The following KIF16B variants were observed in gnomAD, a reference collection of about 807,000 sequenced individuals.
The protein encoded by KIF16B is kinesin family member 16B.
Under a neutral mutation model 156.3 loss-of-function variants are expected in KIF16B, and 98 were observed. That is an observed-to-expected ratio of 0.63 (90% CI 0.53 to 0.74). The LOEUF (loss-of-function observed/expected upper bound fraction) is 0.74. KIF16B is among the 30% of genes least tolerant of loss of function. The pLI is 0.00. For missense variants in KIF16B, 1,421 were observed against 1,606.5 expected (o/e 0.88, Z 1.97); for synonymous variants, 564 against 583.7 (o/e 0.97, Z 0.49).
In KIF16B at chr20:16,366,045, A is replaced by G. The variant is rs111285279; in HGVS notation, c.3498+4541T>C. Among the ~76,000 whole-genome samples, 524 of 147,648 alleles carry G rather than the reference A, an allele frequency of 3.5e-3. 3 individuals are homozygous for G. Among genetic ancestry groups the G allele is most frequent in the African/African-American group, 0.013 (506 of 39,056 alleles). ...AGGTGAAATTAAAAACAAATACAAA[A>G]TATGTAACCTGATAGGATTTTTGGA... On this transcript the variant is annotated intron_variant, in intron 22 of 25. Transcript: ENST00000354981.
chr20:16,396,649 T>TTC lies in KIF16B; in HGVS notation c.1784+8163_1784+8164insGA, dbSNP rs1491445028. Among the ~76,000 whole-genome samples the TTC allele has an allele frequency of 3.3e-3, 255 of 77,164 alleles. 4 individuals carry two copies. Among genetic ancestry groups the TTC allele is most frequent in the African/African-American group, 0.019 (213 of 10,952 alleles). The allele number at this position is 77,164 out of a possible 152,430, so 50.6% of individuals were successfully genotyped here. On this transcript the variant is annotated intron_variant, in intron 17 of 25. Transcript: ENST00000354981. ...ATGGTAACATGTTAACTGTAGTCGCTTTTTTTTTTTTTTTTTGCTTATGAT... is the reference window on the plus strand; with the variant it reads ...ATGGTAACATGTTAACTGTAGTCGCTTCTTTTTTTTTTTTTTTTGCTTATGAT...
chr20:16,434,794 G>A (rs2066600641), intron 12 of KIF16B, among the ~76,000 whole-genome samples: 1 of 152,012 alleles, frequency 6.6e-6, no homozygotes, highest in African/African-American at 2.4e-5. Context: ...TTATGTTACA[G>A]AGAATTATAT....
chr20:16,284,074 G>A (rs2063186595), intron 25 of KIF16B, among the ~76,000 whole-genome samples: 1 of 152,228 alleles, frequency 6.6e-6, no homozygotes. Context: ...GGCAAGCGGA[G>A]CTGGGGAAGG....
chr20:16,331,396 A>G (rs2063945801), intron 24 of KIF16B, among the ~76,000 whole-genome samples: 1 of 152,226 alleles, frequency 6.6e-6, no homozygotes, highest in Non-Finnish European at 1.5e-5. Flanking sequence ...ACAAAGTTCC[A>G]AAAGACTATA....
At chr20:16,439,530 C>T (rs1310969226) in intron 12 of KIF16B, among the ~76,000 whole-genome samples, 1 of 152,158 alleles carries the variant, frequency 6.6e-6, no homozygotes, top group Admixed American at 6.5e-5. Context: ...GTTTAGTCTG[C>T]CTGGAAAATT....
chr20:16,416,654 C>T (rs1014887), intron 15 of KIF16B, among the ~76,000 whole-genome samples: 11,111 of 151,374 alleles, frequency 0.073, 477 homozygotes, highest in South Asian at 0.15. Flanking sequence ...TTGATAGGTG[C>T]AGCAAACCAC....
intron 25 of KIF16B, among the ~76,000 whole-genome samples, chr20:16,274,822 C>T (rs893560670): frequency 2.6e-5 from 4 of 152,146 alleles, no homozygotes; most frequent in African/African-American, 7.2e-5. Context: ...CAAATGTCGA[C>T]GATGCCACAG....
intron 12 of KIF16B, among the ~76,000 whole-genome samples, chr20:16,487,023 G>A (rs2068137033): frequency 1.3e-5 from 2 of 152,110 alleles, no homozygotes; most frequent in Admixed American, 1.3e-4. Flanking sequence ...GGAGGCTGAG[G>A]TGGGTGGATC....
intron 12 of KIF16B, among the ~76,000 whole-genome samples, chr20:16,460,666 A>C (rs1057096604): frequency 5.3e-5 from 8 of 152,206 alleles, no homozygotes; most frequent in African/African-American, 1.9e-4. Flanking sequence ...CATCCAATAG[A>C]TAAATCAAAA....
chr20:16,492,450 T>G (rs2146924373), intron 12 of KIF16B, among the ~76,000 whole-genome samples: 1 of 152,330 alleles, frequency 6.6e-6, no homozygotes, highest in Non-Finnish European at 1.5e-5. Context: ...TGAAATAGCA[T>G]TCTCCTTTCT....
intron 12 of KIF16B, among the ~76,000 whole-genome samples, chr20:16,471,037 G>T (rs549358535): frequency 4.0e-4 from 61 of 152,140 alleles, no homozygotes; most frequent in African/African-American, 1.3e-3. Context: ...AAAAGACAGG[G>T]AAGAGACATT....
intron 25 of KIF16B, among the ~76,000 whole-genome samples, chr20:16,296,908 G>A (rs527838912): frequency 8.5e-5 from 13 of 152,300 alleles, no homozygotes; most frequent in Non-Finnish European, 1.6e-4. Flanking sequence ...ACTGTGAGTG[G>A]GGGCCTCATC....
In KIF16B at chr20:16,331,449, C is replaced by T. The variant is rs1334456441; in HGVS notation, c.3711+4477G>A. Among the ~76,000 whole-genome samples, 4 of 152,202 alleles carry T rather than the reference C, an allele frequency of 2.6e-5. 1 individual carries two copies. ...GTGTTAAGGTGACAGAAGAGTCTATCTTGGCAAGCATATTCCTAATTCTGT... is the reference window on the plus strand; with the variant it reads ...GTGTTAAGGTGACAGAAGAGTCTATTTTGGCAAGCATATTCCTAATTCTGT... On this transcript the variant is annotated intron_variant, in intron 24 of 25. Transcript: ENST00000354981.
intron 12 of KIF16B, among the ~76,000 whole-genome samples, chr20:16,472,860 C>T (rs140003280): frequency 8.9e-4 from 135 of 152,214 alleles, no homozygotes; most frequent in African/African-American, 3.0e-3. Context: ...AAGAGCATAC[C>T]GTTTGTTTTG....
intron 1 of KIF16B, among the ~76,000 whole-genome samples, chr20:16,569,778 T>A (rs1162793613): frequency 2.0e-5 from 3 of 152,216 alleles, no homozygotes; most frequent in Non-Finnish European, 4.4e-5. Flanking sequence ...GGTGACTTTT[T>A]AAAATTACCT....
At chr20:16,489,055 A>T (rs1245911328) in intron 12 of KIF16B, among the ~76,000 whole-genome samples, 2 of 152,238 alleles carry the variant, frequency 1.3e-5, no homozygotes, top group South Asian at 4.1e-4. Context: ...CTGGAAAGCC[A>T]TTAGGAACAG....
chr20:16,276,243 C>T (rs530026387), intron 25 of KIF16B, among the ~76,000 whole-genome samples: 4 of 152,128 alleles, frequency 2.6e-5, no homozygotes, highest in Admixed American at 1.3e-4. Flanking sequence ...CTATAAAGGG[C>T]CAATAAAGCC....
chr20:16,278,730 C>T (rs185693370), intron 25 of KIF16B, among the ~76,000 whole-genome samples: 4 of 152,282 alleles, frequency 2.6e-5, no homozygotes, highest in African/African-American at 7.2e-5. Context: ...CCAGAAGACA[C>T]GAGCAGAAGA....
chr20:16,380,653 T>C (rs1487511215), intron 18 of KIF16B, among the ~76,000 whole-genome samples: 2 of 152,234 alleles, frequency 1.3e-5, no homozygotes, highest in Non-Finnish European at 2.9e-5. Context: ...AAATACATAC[T>C]ATTTAGCATT....
Sources: gnomAD v4.1 joint callset for allele counts (sites outside exome capture counted in the v4.1 genomes callset) on GRCh38, gnomAD v4.1.1 for gene constraint, MANE v1.5 for transcripts, NCBI Gene and HGNC (gene_info 2026-07-23, HGNC 2026-07-21) for gene names.